FAM186A: variants seen among roughly 807,000 people sequenced by gnomAD.
The protein encoded by FAM186A is protein FAM186A.
A neutral mutation model predicts 216.8 loss-of-function variants in FAM186A; 163 were observed. The observed-to-expected ratio is 0.75, with a 90% CI of 0.66 to 0.86. The LOEUF is 0.86. Among genes scored for constraint, FAM186A ranks in the 40% least tolerant of loss-of-function variants. FAM186A has a pLI of 0.00. For synonymous variants in FAM186A, 805 were observed against 1,025.3 expected (o/e 0.79, Z 4.10); for missense variants, 2,184 against 2,746.2 (o/e 0.80, Z 4.58).
At position 50,351,698 on chromosome 12, in the gene FAM186A, G is replaced by A; in HGVS notation, c.5134C>T (p.His1712Tyr). The stretch of plus-strand genomic sequence containing the variant: ...GCCTTCGATTTCTGAAATGGTCTAT[G>A]GGACCACTGGACTTGCTTAAGGGTG... ...PLTLKQVQWS[H>Y]RPFQKSKASL... The change falls in exon 4 of 8, where the codon CAT becomes TAT. Residue 1712 changes from histidine to tyrosine, a missense_variant. His to Tyr is a moderately conservative substitution (Grantham distance 83). Around this residue, in one of 7 missense-constraint regions of FAM186A, gnomAD observed 721 missense variants for 816.4 expected, o/e 0.88. Coordinates refer to ENST00000327337, the MANE Select transcript of FAM186A (RefSeq NM_001145475.3). 1.9e-6 allele frequency: 3 copies of A among 1,551,588 alleles called. No homozygotes were observed. The highest frequency in any genetic ancestry group is 2.6e-6 in the Non-Finnish European group (3 of 1,146,910).
rs775265058 is a variant in FAM186A, at chr12:50,353,469, G to A, written c.3363C>T (p.Ile1121=). The A allele has an allele frequency of 1.3e-6, 2 of 1,528,034 alleles. No individual in the cohort carries two copies. Among genetic ancestry groups the A allele is most frequent in the South Asian group, 2.5e-5 (2 of 80,492 alleles). 94.7% of individuals were successfully genotyped at this position (1,528,034 alleles called of 1,614,324 possible). The change falls in exon 4 of 8, where the codon ATC becomes ATT. Residue 1121 remains isoleucine (I), a synonymous_variant. Coordinates refer to ENST00000327337, the MANE Select transcript of FAM186A (RefSeq NM_001145475.3). ...LTPQQAQALE[I]LFTPQQAQAL... ...CCTGCGCCTGCTGAGGGGTGAAAAGGATCTCCAGGGCCTGGGCCTGCTGAG... is the reference window on the plus strand; with the variant it reads ...CCTGCGCCTGCTGAGGGGTGAAAAGAATCTCCAGGGCCTGGGCCTGCTGAG...
Position 50,351,723 on chromosome 12 carries a change from G to A in FAM186A, c.5109C>T (p.Leu1703=). 6.4e-7 allele frequency: 1 copy of A among 1,551,542 alleles called. No homozygotes were observed. The highest frequency in any genetic ancestry group is 8.7e-7 in the Non-Finnish European group (1 of 1,146,870). The part of the protein sequence containing the change: ...LDKAHTLGSP[L]TLKQVQWSHR... ...GGGACCACTGGACTTGCTTAAGGGT[G>A]AGGGGCGATCCCAAGGTATGGGCTT... The change falls in exon 4 of 8, where the codon CTC becomes CTT. Residue 1703 remains leucine, a synonymous_variant. Coordinates refer to ENST00000327337, the MANE Select transcript of FAM186A (RefSeq NM_001145475.3).
intron 4 of FAM186A, among the ~76,000 whole-genome samples, chr12:50,348,425 G>T (rs979660507): frequency 6.6e-6 from 1 of 152,000 alleles, no homozygotes; most frequent in Non-Finnish European, 1.5e-5. Context: ...GTTTCACCAT[G>T]TTGGCCAGGG....
chr12:50,384,815 T>G (rs908256131), intron 1 of FAM186A, among the ~76,000 whole-genome samples: 2 of 150,418 alleles, frequency 1.3e-5, no homozygotes, highest in African/African-American at 2.4e-5. Context: ...AGAGTTTTTG[T>G]TTTTTTTTGA....
At position 50,363,487 on chromosome 12, in the gene FAM186A, T is replaced by A; in HGVS notation, c.193-123A>T. ...TATCCAATTAAAGTCTTGCTAATTC[T>A]AGCTTTTATTGTGAGTCTCAAATTT... On this transcript the variant is annotated intron_variant, in intron 1 of 7. Coordinates refer to ENST00000327337, the MANE Select transcript of FAM186A (RefSeq NM_001145475.3). The A allele has an allele frequency of 8.0e-6, 7 of 877,470 alleles. No homozygotes were observed. The South Asian group carries it at 1.0e-4, about 13-fold the overall frequency. 54.4% of individuals were successfully genotyped at this position (877,470 alleles called of 1,614,324 possible).
chr12:50,352,186 T>G lies in FAM186A; in HGVS notation c.4646A>C (p.Gln1549Pro), dbSNP rs1387490954. The G allele has an allele frequency of 7.2e-6, 11 of 1,526,196 alleles. No individual in the cohort carries two copies. The highest frequency in any genetic ancestry group is 3.4e-4 in the Middle Eastern group (2 of 5,866). 94.5% of individuals were successfully genotyped at this position (1,526,196 alleles called of 1,614,324 possible). ...LGIPLTPQQV[Q>P]ALGIPLIPPQ... ...AGGGATGAGAGGGATCCCCAGGGCC[T>G]GGACCTGCTGAGGGGTGAGAGGGAT... Residue 1549 changes from glutamine (Q) to proline (P), a missense_variant, in exon 4 of 8, where the codon CAG becomes CCG. By Grantham distance (76) the Gln-to-Pro change is moderately conservative (BLOSUM62 -1). Coordinates refer to ENST00000327337, the MANE Select transcript of FAM186A (RefSeq NM_001145475.3).
chr12:50,335,196 T>G (rs1942695628), intron 4 of FAM186A, among the ~76,000 whole-genome samples: 2 of 152,154 alleles, frequency 1.3e-5, no homozygotes, highest in Admixed American at 6.6e-5. Context: ...AGTTCGAGGC[T>G]GCAGTGAGTT....
At chr12:50,383,701 T>G (rs1592633571) in intron 1 of FAM186A, among the ~76,000 whole-genome samples, 1 of 152,154 alleles carries the variant, frequency 6.6e-6, no homozygotes, top group African/African-American at 2.4e-5. Context: ...CTGGCTGTGG[T>G]TTTTCTCTTG....
chr12:50,349,801 G>C (rs569309117), intron 4 of FAM186A, among the ~76,000 whole-genome samples: 1 of 152,026 alleles, frequency 6.6e-6, no homozygotes, highest in Non-Finnish European at 1.5e-5. Context: ...ACAGGTGCAC[G>C]CAACCATGCC....
At chr12:50,386,148 G>A (rs1220966124) in intron 1 of FAM186A, among the ~76,000 whole-genome samples, 2 of 152,148 alleles carry the variant, frequency 1.3e-5, no homozygotes, top group Non-Finnish European at 2.9e-5. Context: ...ATGTGAGGTG[G>A]CCAGGCATAG....
At chr12:50,341,047 T>C (rs1942758288) in intron 4 of FAM186A, among the ~76,000 whole-genome samples, 1 of 152,176 alleles carries the variant, frequency 6.6e-6, no homozygotes, top group African/African-American at 2.4e-5. Flanking sequence ...TCTGCCTGCC[T>C]TGGCCTCCCA....
At chr12:50,358,021 A>G (rs1054065251) in intron 3 of FAM186A, among the ~76,000 whole-genome samples, 16 of 152,180 alleles carry the variant, frequency 1.1e-4, no homozygotes, top group African/African-American at 3.6e-4. Flanking sequence ...GAAATCATAC[A>G]AAGTATGTTT....
intron 1 of FAM186A, among the ~76,000 whole-genome samples, chr12:50,383,249 T>TAAAAAAAAAAAAA (rs1167515309): frequency 1.9e-4 from 2 of 10,364 alleles, no homozygotes; most frequent in African/African-American, 2.8e-4. Flanking sequence ...AGACTCCGTC[T>TAAAAAAAAAAAAA]AAAAAAAAAA....
chr12:50,355,574 G>A lies in FAM186A; in HGVS notation c.1258C>T (p.Leu420=), dbSNP rs1391485261. ...TCAGAAGCAACAGGTTGCTGTCGTA[G>A]TTCAGTTAAATCTGGAGTTCTTTCA... is the stretch of plus-strand genomic sequence containing the variant. ...QAERTPDLTE[L]RQQPVASEDI... is the part of the protein sequence containing the mutation. Residue 420 remains leucine (L), a synonymous_variant, in exon 4 of 8, where the codon CTA becomes TTA. Coordinates refer to ENST00000327337, the MANE Select transcript of FAM186A (RefSeq NM_001145475.3). 1.3e-6 allele frequency: 2 copies of A among 1,551,464 alleles called. No homozygotes were observed. Among genetic ancestry groups the A allele is most frequent in the African/African-American group, 2.7e-5 (2 of 73,028 alleles).
At chr12:50,371,668 T>C (rs1943143400) in intron 1 of FAM186A, among the ~76,000 whole-genome samples, 1 of 152,200 alleles carries the variant, frequency 6.6e-6, no homozygotes, top group African/African-American at 2.4e-5. Flanking sequence ...TGTTGTTTAA[T>C]GGATATAGAA....
chr12:50,385,468 A>G (rs1943294420), intron 1 of FAM186A, among the ~76,000 whole-genome samples: 1 of 151,718 alleles, frequency 6.6e-6, no homozygotes, highest in Admixed American at 6.6e-5. Context: ...GAAACAGGGG[A>G]AAAGTTCCAT....
At chr12:50,387,591 G>A (rs1943315964) in intron 1 of FAM186A, among the ~76,000 whole-genome samples, 2 of 152,150 alleles carry the variant, frequency 1.3e-5, no homozygotes, top group South Asian at 2.1e-4. Context: ...ATTTATGTAA[G>A]GCTCACAGAT....
In FAM186A at chr12:50,354,981, G is replaced by A. The variant is rs576082601; in HGVS notation, c.1851C>T (p.Ile617=). 6.5e-7 allele frequency: 1 copy of A among 1,550,198 alleles called. No homozygotes were observed. The highest frequency in any genetic ancestry group is 8.7e-7 in the Non-Finnish European group (1 of 1,146,726). Residue 617 remains isoleucine (I), a synonymous_variant, in exon 4 of 8, where the codon ATC becomes ATT. Transcript: ENST00000327337. The part of the protein sequence containing the change: ...GKKHHISSGT[I]TSKEEKTEEK... Reference sequence around the variant, plus strand: ...CTTCAGTTTTTTCTTCTTTGCTTGTGATAGTTCCTGAAGAGATATGGTGTT... The same window carrying A: ...CTTCAGTTTTTTCTTCTTTGCTTGTAATAGTTCCTGAAGAGATATGGTGTT...
intron 2 of FAM186A, among the ~76,000 whole-genome samples, chr12:50,361,708 C>T (rs991632790): frequency 1.4e-5 from 2 of 147,502 alleles, no homozygotes; most frequent in Admixed American, 1.4e-4. Context: ...GTAGCTGGGA[C>T]CAGAGGTGTG....
Sources: allele counts gnomAD v4.1 joint callset (sites outside exome capture counted in the v4.1 genomes callset), GRCh38; gene constraint gnomAD v4.1.1; regional missense constraint gnomAD v4.1.1; transcripts MANE v1.5; gene names NCBI Gene and HGNC (gene_info 2026-07-23, HGNC 2026-07-21).